Variants in TIMP3 observed in about 807,000 individuals in gnomAD.
The protein encoded by TIMP3 is metalloproteinase inhibitor 3.
A neutral mutation model predicts 30.0 loss-of-function variants in TIMP3; 11 were observed. The ratio of observed to expected loss-of-function variants is 0.37; its 90% CI spans 0.23 to 0.61. The LOEUF (loss-of-function observed/expected upper bound fraction) is 0.61. Ranked by LOEUF, TIMP3 falls within the 20% of genes least tolerant of loss-of-function variation. The pLI, the probability that TIMP3 is intolerant of heterozygous loss-of-function variation, is 0.70. For missense variants in TIMP3, 181 were observed against 276.8 expected (o/e 0.65, Z 2.45); for synonymous variants, 112 against 111.3 (o/e 1.01, Z -0.04).
At chr22:32,840,444 G>A (rs919471246) in intron 1 of TIMP3, among the ~76,000 whole-genome samples, 3 of 152,062 alleles carry the variant, frequency 2.0e-5, no homozygotes, top group African/African-American at 7.2e-5. Context: ...AAGCCTATTT[G>A]TGGGACTTCT....
chr22:32,826,264 A>T (rs1444090644), intron 1 of TIMP3, among the ~76,000 whole-genome samples: 1 of 152,146 alleles, frequency 6.6e-6, no homozygotes, highest in Non-Finnish European at 1.5e-5. Flanking sequence ...CTCCATCTCT[A>T]CTAAAAATAC....
chr22:32,853,369 C>T (rs759889564), intron 2 of TIMP3, among the ~76,000 whole-genome samples: 6 of 152,156 alleles, frequency 3.9e-5, no homozygotes, highest in Non-Finnish European at 8.8e-5. Flanking sequence ...TGATGTACAC[C>T]AGCATCCAGA....
intron 1 of TIMP3, among the ~76,000 whole-genome samples, chr22:32,821,622 G>T (rs2047248497): frequency 6.6e-6 from 1 of 152,222 alleles, no homozygotes; most frequent in South Asian, 2.1e-4. Flanking sequence ...AGGCAAATCG[G>T]ATGGAAGAGC....
At chr22:32,809,165 T>G (rs2046843633) in intron 1 of TIMP3, among the ~76,000 whole-genome samples, 1 of 152,234 alleles carries the variant, frequency 6.6e-6, no homozygotes, top group Admixed American at 6.5e-5. Flanking sequence ...ATGAGCTGTC[T>G]CAGGCTAGGG....
At chr22:32,804,682 G>C (rs2145946089) in intron 1 of TIMP3, among the ~76,000 whole-genome samples, 1 of 152,288 alleles carries the variant, frequency 6.6e-6, no homozygotes, top group Non-Finnish European at 1.5e-5. Flanking sequence ...CTAGGGCCTG[G>C]CATGGCATTC....
intron 1 of TIMP3, among the ~76,000 whole-genome samples, chr22:32,808,423 G>A (rs551588557): frequency 5.0e-4 from 76 of 152,298 alleles, no homozygotes; most frequent in African/African-American, 1.7e-3. Context: ...GAGGCTGGGT[G>A]GACCCCAGCC....
chr22:32,825,064 ACAGGACTCAGG>A (rs2047362284), intron 1 of TIMP3, among the ~76,000 whole-genome samples: 1 of 152,074 alleles, frequency 6.6e-6, no homozygotes. Context: ...CAGAAAAGGG[ACAGGACTCAGG>A]CAGATAGGAT....
intron 1 of TIMP3, among the ~76,000 whole-genome samples, chr22:32,840,189 G>C (rs1569266696): frequency 6.6e-6 from 1 of 152,168 alleles, no homozygotes; most frequent in Non-Finnish European, 1.5e-5. Context: ...TTCTGAGTGT[G>C]TGTCTTTGGG....
chr22:32,833,665 G>T (rs1273756848), intron 1 of TIMP3, among the ~76,000 whole-genome samples: 3 of 152,142 alleles, frequency 2.0e-5, no homozygotes, highest in African/African-American at 7.2e-5. Flanking sequence ...AGAAGTAGGG[G>T]CTCCCAATTC....
chr22:32,818,308 A>T (rs1054198903), intron 1 of TIMP3, among the ~76,000 whole-genome samples: 1 of 152,146 alleles, frequency 6.6e-6, no homozygotes, highest in South Asian at 2.1e-4. Flanking sequence ...CATCCAGCCT[A>T]TGCGGTCCAT....
chr22:32,858,170 G>A, intron 4 of TIMP3, 32 bp downstream of exon 4: 1 of 1,610,866 alleles, frequency 6.2e-7, no homozygotes. Flanking sequence ...GGAAGGAGGG[G>A]AGGTGCTGAC....
chr22:32,859,142 G>A, intron 4 of TIMP3, 38 bp from the exon 5 acceptor site: 1 of 1,611,336 alleles, frequency 6.2e-7, no homozygotes, highest in South Asian at 1.1e-5. Context: ...GCATACCATG[G>A]CAGAGTCCAT....
intron 1 of TIMP3, among the ~76,000 whole-genome samples, chr22:32,811,750 G>T (rs1293290703): frequency 6.6e-6 from 1 of 152,188 alleles, no homozygotes; most frequent in Non-Finnish European, 1.5e-5. Context: ...GCGGGGTTCT[G>T]TGGCTTAGCC....
At chr22:32,818,619 C>T (rs1050117581) in intron 1 of TIMP3, among the ~76,000 whole-genome samples, 1 of 152,180 alleles carries the variant, frequency 6.6e-6, no homozygotes, top group African/African-American at 2.4e-5. Context: ...TTTGCCGCCA[C>T]CCCATTTGCT....
chr22:32,857,915 C>A, intron 3 of TIMP3, 102 bp from the exon 4 acceptor site: 1 of 1,574,462 alleles, frequency 6.4e-7, no homozygotes, highest in South Asian at 1.1e-5. Context: ...AAGTACCCAG[C>A]CACAGTGCCT....
intron 1 of TIMP3, among the ~76,000 whole-genome samples, chr22:32,802,415 C>G (rs1006929475): frequency 6.6e-6 from 1 of 152,020 alleles, no homozygotes; most frequent in Non-Finnish European, 1.5e-5. Context: ...AAAATGTCCC[C>G]ATTCACTACT....
At chr22:32,834,782 C>T (rs1192568603) in intron 1 of TIMP3, among the ~76,000 whole-genome samples, 1 of 152,186 alleles carries the variant, frequency 6.6e-6, no homozygotes, top group Non-Finnish European at 1.5e-5. Context: ...CTATCTGGTA[C>T]AGGGTACCAT....
At chr22:32,852,572 T>C (rs1037522396) in intron 2 of TIMP3, among the ~76,000 whole-genome samples, 3 of 152,142 alleles carry the variant, frequency 2.0e-5, no homozygotes, top group Non-Finnish European at 4.4e-5. Context: ...AAGGGCTTCC[T>C]TAGAGCAGGA....
chr22:32,820,351 T>TGC (rs2047210452), intron 1 of TIMP3, among the ~76,000 whole-genome samples: 1 of 104,656 alleles, frequency 9.6e-6, no homozygotes, highest in Non-Finnish European at 2.0e-5. Context: ...CCCATTCCAC[T>TGC]GCGTGTGTGT....
Sources: allele counts gnomAD v4.1 joint callset (sites outside exome capture counted in the v4.1 genomes callset), GRCh38; gene constraint gnomAD v4.1.1; transcripts MANE v1.5; gene names NCBI Gene and HGNC (gene_info 2026-07-23, HGNC 2026-07-21).